PRUNE2: variants seen among roughly 807,000 people sequenced by gnomAD.
PRUNE2 encodes prune homolog 2 with BCH domain.
PRUNE2 carries 164 observed loss-of-function variants against 252.0 expected under a neutral mutation model. The observed-to-expected ratio is 0.65, with a 90% CI of 0.57 to 0.74. The LOEUF is 0.74. PRUNE2 is among the 30% of genes least tolerant of loss of function. The pLI is 0.00. For synonymous variants in PRUNE2, 1,292 were observed against 1,350.2 expected (o/e 0.96, Z 0.94); for missense variants, 3,495 against 3,711.0 (o/e 0.94, Z 1.51).
At chr9:76,642,793 A>T (rs1315821759) in intron 12 of PRUNE2, among the ~76,000 whole-genome samples, 3 of 152,206 alleles carry the variant, frequency 2.0e-5, no homozygotes, top group African/African-American at 7.2e-5. Flanking sequence ...TTACCTACAG[A>T]GCACAAAAGC....
chr9:76,728,980 G>A (rs1439409581), intron 6 of PRUNE2, among the ~76,000 whole-genome samples: 3 of 152,192 alleles, frequency 2.0e-5, no homozygotes, highest in Non-Finnish European at 4.4e-5. Flanking sequence ...TTGTCAATTA[G>A]GGCATTAGAA....
chr9:76,734,144 A>G (rs972039450), intron 6 of PRUNE2, among the ~76,000 whole-genome samples: 1 of 152,074 alleles, frequency 6.6e-6, no homozygotes, highest in African/African-American at 2.4e-5. Flanking sequence ...GAAGTCCACA[A>G]AAAGGACCTC....
At chr9:76,685,634 G>A (rs1395512951) in intron 9 of PRUNE2, among the ~76,000 whole-genome samples, 1 of 152,254 alleles carries the variant, frequency 6.6e-6, no homozygotes, top group East Asian at 1.9e-4. Flanking sequence ...AGAAGACATG[G>A]GGAGAAGACA....
intron 4 of PRUNE2, among the ~76,000 whole-genome samples, chr9:76,843,635 T>C (rs1185021896): frequency 2.0e-5 from 3 of 152,026 alleles, no homozygotes; most frequent in Non-Finnish European, 4.4e-5. Flanking sequence ...AGAAAACAAG[T>C]CCTTTTAGGT....
intron 1 of PRUNE2, chr9:76,857,113 T>C: frequency 2.2e-6 from 1 of 455,954 alleles, no homozygotes; most frequent in Non-Finnish European, 4.4e-6. Flanking sequence ...ATCCTATGCA[T>C]CAAGTTCCTT....
intron 9 of PRUNE2, among the ~76,000 whole-genome samples, chr9:76,693,237 T>A (rs2044975729): frequency 6.6e-6 from 1 of 151,936 alleles, no homozygotes; most frequent in South Asian, 2.1e-4. Context: ...AAATGTCAAT[T>A]TGGGAAATAA....
At chr9:76,647,052 G>A (rs1047581419) in intron 11 of PRUNE2, among the ~76,000 whole-genome samples, 6 of 152,122 alleles carry the variant, frequency 3.9e-5, no homozygotes, top group African/African-American at 1.4e-4. Context: ...AGCTGGATAT[G>A]TTGGCATGTG....
At chr9:76,828,795 C>T (rs1283559481) in intron 4 of PRUNE2, among the ~76,000 whole-genome samples, 1 of 152,106 alleles carries the variant, frequency 6.6e-6, no homozygotes. Context: ...GCTGGTGGAT[C>T]ACCTGAGGTC....
intron 6 of PRUNE2, among the ~76,000 whole-genome samples, chr9:76,776,329 C>G (rs1364113563): frequency 1.3e-5 from 2 of 151,422 alleles, no homozygotes; most frequent in Non-Finnish European, 1.5e-5. Context: ...TATTATTTCA[C>G]TCTCTGTGTC....
At chr9:76,858,917 C>A (rs2060407756) in intron 1 of PRUNE2, among the ~76,000 whole-genome samples, 1 of 152,100 alleles carries the variant, frequency 6.6e-6, no homozygotes, top group African/African-American at 2.4e-5. Flanking sequence ...ATAATTATTG[C>A]CTAATGTATA....
rs144931370 is a variant in PRUNE2, at chr9:76,628,253, T to C, written c.9149+939A>G. Reference sequence around the variant, plus strand: ...TGTTTTAAAATCCCAGCTCCAAGTATTTATTTTGTTAAATTTTATCCTAGT... The same window carrying C: ...TGTTTTAAAATCCCAGCTCCAAGTACTTATTTTGTTAAATTTTATCCTAGT... On this transcript the variant is annotated intron_variant, in intron 16 of 18. Transcript: ENST00000376718. 2.2e-4 allele frequency among the ~76,000 whole-genome samples: 34 copies of C among 152,340 alleles called. No homozygotes were observed. The Middle Eastern group carries it at 0.02, about 91-fold the overall frequency.
In PRUNE2 at chr9:76,647,963, A is replaced by AAAC. The variant is rs924549153; in HGVS notation, c.8558-3057_8558-3055dup. On this transcript the variant is annotated intron_variant, in intron 11 of 18. Coordinates refer to ENST00000376718, the MANE Select transcript of PRUNE2 (RefSeq NM_015225.3). ...GCGACAGCACGAGACTGTGTCTCAA[A>AAAC]AACAACAACAACAACAACAAAAACT... 1.1e-4 allele frequency among the ~76,000 whole-genome samples: 16 copies of AAAC among 152,262 alleles called. 1 individual carries two copies. Among genetic ancestry groups the AAAC allele is most frequent in the Admixed American group, 2.0e-4 (3 of 15,294 alleles).
intron 6 of PRUNE2, among the ~76,000 whole-genome samples, chr9:76,799,332 ACT>A (rs760804166): frequency 9.9e-5 from 14 of 141,580 alleles, no homozygotes; most frequent in Non-Finnish European, 1.5e-4. Flanking sequence ...CAAGAGTGAA[ACT>A]CTGTCTCAAA....
At chr9:76,774,568 C>T (rs762605409) in intron 6 of PRUNE2, among the ~76,000 whole-genome samples, 7 of 149,518 alleles carry the variant, frequency 4.7e-5, no homozygotes, top group Non-Finnish European at 1.0e-4. Context: ...AAGCAATTCT[C>T]CTGTCTCAGC....
intron 9 of PRUNE2, among the ~76,000 whole-genome samples, chr9:76,665,241 C>T (rs936398752): frequency 6.6e-6 from 1 of 152,222 alleles, no homozygotes; most frequent in Non-Finnish European, 1.5e-5. Flanking sequence ...AGACTCAAGC[C>T]TCCTTTCTCA....
intron 9 of PRUNE2, among the ~76,000 whole-genome samples, chr9:76,662,611 G>A (rs938150024): frequency 4.6e-5 from 7 of 152,156 alleles, no homozygotes; most frequent in Admixed American, 3.3e-4. Context: ...ACACATACCA[G>A]TAGCATTTCT....
At chr9:76,881,255 C>A (rs903056631) in intron 1 of PRUNE2, among the ~76,000 whole-genome samples, 1 of 152,104 alleles carries the variant, frequency 6.6e-6, no homozygotes, top group Non-Finnish European at 1.5e-5. Context: ...CGTGAGCCAC[C>A]GAGCCTGGCT....
chr9:76,823,812 T>A, intron 5 of PRUNE2, 86 bp from the exon 6 acceptor site: 2 of 766,130 alleles, frequency 2.6e-6, no homozygotes, highest in Non-Finnish European at 4.4e-6. Flanking sequence ...AAGAATTTAC[T>A]CTGTAAATTT....
chr9:76,888,330 G>A (rs1469492936), intron 1 of PRUNE2, among the ~76,000 whole-genome samples: 1 of 152,170 alleles, frequency 6.6e-6, no homozygotes, highest in Non-Finnish European at 1.5e-5. Flanking sequence ...TGTAATCCCA[G>A]CACCTTGGGA....
Sources: gnomAD v4.1 joint callset for allele counts (sites outside exome capture counted in the v4.1 genomes callset) on GRCh38, gnomAD v4.1.1 for gene constraint, MANE v1.5 for transcripts, NCBI Gene and HGNC (gene_info 2026-07-23, HGNC 2026-07-21) for gene names.